RBMS3: variants seen among roughly 807,000 people sequenced by gnomAD.
RBMS3 encodes RNA-binding motif, single-stranded-interacting protein 3.
RBMS3 carries 27 observed loss-of-function variants against 66.8 expected under a neutral mutation model. The observed-to-expected ratio is 0.40, with a 90% CI of 0.30 to 0.56. The LOEUF is 0.56. Ranked by LOEUF, RBMS3 falls within the 20% of genes least tolerant of loss-of-function variation. RBMS3 has a pLI of 0.40. For synonymous variants in RBMS3, 188 were observed against 183.0 expected (o/e 1.03, Z -0.22); for missense variants, 513 against 549.5 (o/e 0.93, Z 0.66).
At chr3:29,440,406 G>A (rs1192124025) in intron 2 of RBMS3, among the ~76,000 whole-genome samples, 3 of 152,224 alleles carry the variant, frequency 2.0e-5, no homozygotes, top group East Asian at 3.9e-4. Flanking sequence ...TAAACATGCC[G>A]CTGCTAAGGC....
chr3:29,789,717 C>T (rs1559673953), intron 6 of RBMS3, among the ~76,000 whole-genome samples: 1 of 152,058 alleles, frequency 6.6e-6, no homozygotes, highest in Admixed American at 6.5e-5. Context: ...TTTTGCTTAT[C>T]TATTTTACAA....
At chr3:29,428,557 C>A (rs2041051602) in intron 1 of RBMS3, among the ~76,000 whole-genome samples, 1 of 144,062 alleles carries the variant, frequency 6.9e-6, no homozygotes. Flanking sequence ...TATTGAATGT[C>A]CCAAATGCTT....
intron 4 of RBMS3, among the ~76,000 whole-genome samples, chr3:29,695,075 A>T (rs1270092886): frequency 6.6e-6 from 1 of 152,114 alleles, no homozygotes; most frequent in Non-Finnish European, 1.5e-5. Flanking sequence ...CATTTTTTTT[A>T]AACAACACTT....
At chr3:29,555,484 C>G (rs551924242) in intron 3 of RBMS3, among the ~76,000 whole-genome samples, 1 of 152,088 alleles carries the variant, frequency 6.6e-6, no homozygotes. Flanking sequence ...CCAAGTAATC[C>G]GTCTGCTTGA....
intron 4 of RBMS3, among the ~76,000 whole-genome samples, chr3:29,713,291 G>A (rs1329408028): frequency 6.6e-6 from 1 of 151,878 alleles, no homozygotes; most frequent in African/African-American, 2.4e-5. Context: ...TCCCATATAA[G>A]GATGATTAAA....
chr3:29,416,012 C>T (rs932565048), intron 1 of RBMS3, among the ~76,000 whole-genome samples: 4 of 152,070 alleles, frequency 2.6e-5, no homozygotes, highest in South Asian at 2.1e-4. Context: ...CAAGTGGAAA[C>T]GCATAGGAAA....
chr3:29,320,451 ATCT>A (rs374282176), intron 1 of RBMS3, among the ~76,000 whole-genome samples: 64 of 152,232 alleles, frequency 4.2e-4, no homozygotes, highest in African/African-American at 1.4e-3. Context: ...AAGCTGGATC[ATCT>A]TCCTTCCTGG....
intron 13 of RBMS3, among the ~76,000 whole-genome samples, chr3:29,990,650 G>A (rs952900100): frequency 1.3e-5 from 2 of 152,044 alleles, no homozygotes; most frequent in Non-Finnish European, 2.9e-5. Context: ...TCCAAACTTT[G>A]ATGTATATTT....
intron 4 of RBMS3, among the ~76,000 whole-genome samples, chr3:29,726,359 G>A (rs1021034549): frequency 6.6e-6 from 1 of 152,038 alleles, no homozygotes; most frequent in Non-Finnish European, 1.5e-5. Context: ...TTCTGGCCAG[G>A]GCAATCAGTC....
chr3:29,433,761 G>A lies in RBMS3; in HGVS notation c.76-982G>A, dbSNP rs117476734. Reference sequence around the variant, plus strand: ...GCATAATTAGTAAATATATATCTATGAATTCTGGTATGTATAATTTTAAAA... The same window carrying A: ...GCATAATTAGTAAATATATATCTATAAATTCTGGTATGTATAATTTTAAAA... On this transcript the variant is annotated intron_variant, in intron 1 of 14. Transcript: ENST00000383767. Among the ~76,000 whole-genome samples, 15 of 152,250 alleles carry A rather than the reference G, an allele frequency of 9.9e-5. No individual in the cohort carries two copies. In the East Asian group the frequency reaches 2.7e-3, roughly 27 times the overall value.
chr3:29,513,780 T>G (rs1001517037), intron 3 of RBMS3, among the ~76,000 whole-genome samples: 12 of 152,174 alleles, frequency 7.9e-5, no homozygotes, highest in African/African-American at 2.9e-4. Flanking sequence ...AAAAAAATAT[T>G]GTTGGGCCAC....
intron 1 of RBMS3, among the ~76,000 whole-genome samples, chr3:29,349,788 A>G (rs2036795962): frequency 6.6e-6 from 1 of 152,166 alleles, no homozygotes; most frequent in Non-Finnish European, 1.5e-5. Flanking sequence ...AAATGAGTTA[A>G]ATTCCGATAG....
intron 6 of RBMS3, among the ~76,000 whole-genome samples, chr3:29,782,958 G>A (rs939478553): frequency 1.3e-4 from 19 of 151,828 alleles, no homozygotes; most frequent in African/African-American, 3.6e-4. Context: ...CTGGGCTTTC[G>A]AATTAACCCA....
At chr3:29,298,116 A>T (rs1214308310) in intron 1 of RBMS3, among the ~76,000 whole-genome samples, 1 of 151,864 alleles carries the variant, frequency 6.6e-6, no homozygotes, top group Non-Finnish European at 1.5e-5. Context: ...GGCAATCTCA[A>T]AGGTCTTCAA....
At chr3:29,706,562 G>A (rs1404740949) in intron 4 of RBMS3, among the ~76,000 whole-genome samples, 1 of 152,122 alleles carries the variant, frequency 6.6e-6, no homozygotes, top group Non-Finnish European at 1.5e-5. Context: ...TCAGGATTTG[G>A]CAGAACTCAT....
intron 9 of RBMS3, among the ~76,000 whole-genome samples, 190 bp from the exon 10 acceptor site, chr3:29,899,515 C>A (rs1418843108): frequency 2.0e-5 from 3 of 151,670 alleles, no homozygotes; most frequent in African/African-American, 7.3e-5. Context: ...GTTGCTTTAC[C>A]TTTTACCTTG....
intron 2 of RBMS3, among the ~76,000 whole-genome samples, chr3:29,458,324 T>C (rs1358770621): frequency 6.6e-6 from 1 of 152,222 alleles, no homozygotes; most frequent in African/African-American, 2.4e-5. Flanking sequence ...CTGTATATTA[T>C]ATGTTAATAC....
chr3:29,867,607 G>A (rs1241133857), intron 6 of RBMS3, among the ~76,000 whole-genome samples: 1 of 149,580 alleles, frequency 6.7e-6, no homozygotes, highest in African/African-American at 2.5e-5. Flanking sequence ...TATCCATGCA[G>A]AGGAGCAAAA....
At chr3:29,353,571 A>C (rs1439343779) in intron 1 of RBMS3, among the ~76,000 whole-genome samples, 1 of 152,034 alleles carries the variant, frequency 6.6e-6, no homozygotes, top group Non-Finnish European at 1.5e-5. Flanking sequence ...TCTGAAAGGA[A>C]AAGTCTGGTG....
Sources: gnomAD v4.1 joint callset for allele counts (sites outside exome capture counted in the v4.1 genomes callset) on GRCh38, gnomAD v4.1.1 for gene constraint, MANE v1.5 for transcripts, NCBI Gene and HGNC (gene_info 2026-07-23, HGNC 2026-07-21) for gene names.